The following PALM2AKAP2 variants were observed in gnomAD, a reference collection of about 807,000 sequenced individuals.
The protein encoded by PALM2AKAP2 is PALM2-AKAP2 fusion protein.
A neutral mutation model predicts 71.5 loss-of-function variants in PALM2AKAP2; 37 were observed. The observed-to-expected ratio is 0.52, with a 90% CI of 0.40 to 0.68. The LOEUF is 0.68. Ranked by LOEUF, PALM2AKAP2 falls within the 30% of genes least tolerant of loss-of-function variation. The probability of loss-of-function intolerance (pLI) is 0.00; values close to 1 mark genes in which losing one functional copy is unlikely to be tolerated. For synonymous variants in PALM2AKAP2, 468 were observed against 478.8 expected, an observed-to-expected ratio of 0.98 and a Z score of 0.29; for missense variants, 1,224 against 1,191.8, an observed-to-expected ratio of 1.03 and a Z score of -0.40.
intron 1 of PALM2AKAP2, among the ~76,000 whole-genome samples, chr9:109,688,142 C>A (rs1248178528): frequency 6.6e-6 from 1 of 152,124 alleles, no homozygotes; most frequent in Non-Finnish European, 1.5e-5. Context: ...TGAAATATTG[C>A]AAGAATGACC....
intron 1 of PALM2AKAP2, among the ~76,000 whole-genome samples, chr9:110,111,415 T>C (rs1835249061): frequency 6.6e-6 from 1 of 152,186 alleles, no homozygotes; most frequent in African/African-American, 2.4e-5. Flanking sequence ...TTTTAAATAA[T>C]ATTTTTCATA....
intron 1 of PALM2AKAP2, among the ~76,000 whole-genome samples, chr9:109,719,977 C>T (rs1232095898): frequency 2.0e-5 from 3 of 151,842 alleles, no homozygotes; most frequent in Admixed American, 2.0e-4. Flanking sequence ...AGATAACATG[C>T]CTTTATATTT....
At chr9:109,753,724 A>G (rs764321566) in intron 1 of PALM2AKAP2, among the ~76,000 whole-genome samples, 1 of 152,172 alleles carries the variant, frequency 6.6e-6, no homozygotes, top group South Asian at 2.1e-4. Flanking sequence ...GCAGTTAGAG[A>G]TTGTGCCTAT....
chr9:109,716,634 T>C (rs1456366022), intron 1 of PALM2AKAP2, among the ~76,000 whole-genome samples: 2 of 152,174 alleles, frequency 1.3e-5, no homozygotes, highest in African/African-American at 4.8e-5. Context: ...GTGAAGGCTT[T>C]AGTCAGGGAT....
chr9:109,743,537 C>T (rs1036136157), intron 1 of PALM2AKAP2, among the ~76,000 whole-genome samples: 1 of 152,154 alleles, frequency 6.6e-6, no homozygotes, highest in Non-Finnish European at 1.5e-5. Flanking sequence ...CTCAAGAAAG[C>T]TCACCTTATT....
intron 1 of PALM2AKAP2, among the ~76,000 whole-genome samples, chr9:110,118,217 A>ACG (rs751181177): frequency 1.7e-4 from 25 of 150,766 alleles, no homozygotes; most frequent in Non-Finnish European, 3.0e-4. Context: ...ATACACACAC[A>ACG]CACACAAATT....
At chr9:110,003,942 T>G (rs1832728826) in intron 6 of PALM2AKAP2, among the ~76,000 whole-genome samples, 1 of 152,194 alleles carries the variant, frequency 6.6e-6, no homozygotes, top group Non-Finnish European at 1.5e-5. Flanking sequence ...TGAGGTAGGT[T>G]TCCTGAATAT....
chr9:109,689,252 G>T (rs1386188147), intron 1 of PALM2AKAP2, among the ~76,000 whole-genome samples: 2 of 147,382 alleles, frequency 1.4e-5, no homozygotes, highest in Non-Finnish European at 3.0e-5. Context: ...ACCCAGGCTG[G>T]AGTGCAATGG....
intron 1 of PALM2AKAP2, among the ~76,000 whole-genome samples, chr9:109,665,862 T>C (rs1827474837): frequency 6.6e-6 from 1 of 152,232 alleles, no homozygotes; most frequent in Non-Finnish European, 1.5e-5. Context: ...CGAGCTTCCC[T>C]GCTGCTTTGT....
At chr9:109,734,183 T>G (rs1341906584) in intron 1 of PALM2AKAP2, among the ~76,000 whole-genome samples, 1 of 152,236 alleles carries the variant, frequency 6.6e-6, no homozygotes, top group African/African-American at 2.4e-5. Flanking sequence ...ATCTCCATTT[T>G]AGATCAATAA....
At chr9:109,784,109 G>T (rs1458943941) in intron 1 of PALM2AKAP2, among the ~76,000 whole-genome samples, 2 of 152,204 alleles carry the variant, frequency 1.3e-5, no homozygotes, top group Admixed American at 1.3e-4. Flanking sequence ...TTTACATTTA[G>T]AACATGGTAA....
At chr9:109,801,000 AC>A (rs1438003572) in intron 1 of PALM2AKAP2, among the ~76,000 whole-genome samples, 1 of 152,116 alleles carries the variant, frequency 6.6e-6, no homozygotes, top group Non-Finnish European at 1.5e-5. Context: ...TAGCAGTAAA[AC>A]TTTCAATTAG....
At chr9:109,767,690 G>A (rs1225509932) in intron 1 of PALM2AKAP2, among the ~76,000 whole-genome samples, 1 of 152,132 alleles carries the variant, frequency 6.6e-6, no homozygotes, top group Non-Finnish European at 1.5e-5. Flanking sequence ...ATTCGGGGCT[G>A]TCTGATTGTC....
At position 110,020,539 on chromosome 9, in the gene PALM2AKAP2, C is replaced by T. The variant is rs140481534; in HGVS notation, c.582+4500C>T. Among the ~76,000 whole-genome samples, 820 of 151,870 alleles carry T rather than the reference C, an allele frequency of 5.4e-3. 7 individuals are homozygous for T. Among genetic ancestry groups the T allele is most frequent in the Middle Eastern group, 0.037 (11 of 294 alleles). On this transcript the variant is annotated intron_variant, in intron 7 of 9. Transcript: ENST00000302798. ...CTCTACTAAAAATATAAAAATTACC[C>T]GGGCGTGGTGATGCATGCCTGTAAT...
At chr9:109,645,324 C>T (rs1827134592) in intron 1 of PALM2AKAP2, among the ~76,000 whole-genome samples, 1 of 152,118 alleles carries the variant, frequency 6.6e-6, no homozygotes, top group Admixed American at 6.5e-5. Context: ...ATCATGAGAC[C>T]AGCAAGGGAA....
exon 2 of PALM2AKAP2, chr9:110,138,121 G>A (rs1835938258): frequency 6.2e-7 from 1 of 1,614,146 alleles, no homozygotes; most frequent in Non-Finnish European, 8.5e-7. Context: ...AGCCACCTCA[G>A]GTGTCTTCTC....
chr9:109,857,346 T>C (rs10980091), intron 1 of PALM2AKAP2, among the ~76,000 whole-genome samples: 43,662 of 152,170 alleles, frequency 0.29, 6,684 homozygotes, highest in East Asian at 0.46. Context: ...ATTCGATTTC[T>C]ATGTAAATGT....
At chr9:109,824,694 G>A (rs1828096916) in intron 1 of PALM2AKAP2, among the ~76,000 whole-genome samples, 1 of 152,140 alleles carries the variant, frequency 6.6e-6, no homozygotes, top group Admixed American at 6.5e-5. Flanking sequence ...GGAGCCATTA[G>A]GTCATTCAAA....
intron 1 of PALM2AKAP2, among the ~76,000 whole-genome samples, chr9:110,099,970 A>G (rs1052969364): frequency 4.0e-5 from 6 of 150,196 alleles, no homozygotes; most frequent in Non-Finnish European, 7.4e-5. Context: ...TGGTCAGAGG[A>G]AAATTATTCA....
Sources: gnomAD v4.1 joint callset for allele counts (sites outside exome capture counted in the v4.1 genomes callset) on GRCh38, gnomAD v4.1.1 for gene constraint, MANE v1.5 for transcripts, NCBI Gene and HGNC (gene_info 2026-07-23, HGNC 2026-07-21) for gene names.